Variants in ARHGAP11B observed in about 807,000 individuals in gnomAD.
ARHGAP11B encodes Rho GTPase activating protein 11B.
A neutral mutation model predicts 27.6 loss-of-function variants in ARHGAP11B; 14 were observed. That is an observed-to-expected ratio of 0.51 (90% CI 0.34 to 0.79). The LOEUF is 0.79. Among genes scored for constraint, ARHGAP11B ranks in the 30% least tolerant of loss-of-function variants. The pLI, the probability that ARHGAP11B is intolerant of heterozygous loss-of-function variation, is 0.02. For missense variants in ARHGAP11B, 245 were observed against 320.1 expected (o/e 0.77, Z 1.79); for synonymous variants, 82 against 114.1 (o/e 0.72, Z 1.80).
chr15:30,647,979 T>C (rs1034271293), intron 10 of ARHGAP11B, among the ~76,000 whole-genome samples: 9 of 152,028 alleles, frequency 5.9e-5, no homozygotes, highest in South Asian at 2.1e-4. Flanking sequence ...TTTATTTTCA[T>C]AGAGACAAGG....
chr15:30,647,947 C>T (rs887118809), intron 10 of ARHGAP11B, among the ~76,000 whole-genome samples: 1 of 151,930 alleles, frequency 6.6e-6, no homozygotes, highest in African/African-American at 2.4e-5. Flanking sequence ...CTCCTGGAAA[C>T]TTTATTAACT....
At chr15:30,629,496 T>G (rs1261180683) in intron 1 of ARHGAP11B, among the ~76,000 whole-genome samples, 1 of 151,962 alleles carries the variant, frequency 6.6e-6, no homozygotes, top group African/African-American at 2.4e-5. Context: ...GAGCTTGCAG[T>G]GAGCCGAGAT....
intron 7 of ARHGAP11B, among the ~76,000 whole-genome samples, chr15:30,639,993 T>TGTGC (rs1485391347): frequency 4.1e-3 from 619 of 151,566 alleles, no homozygotes; most frequent in African/African-American, 0.014. Context: ...TGTGTGTGTG[T>TGTGC]GTGTGTGTGT....
intron 7 of ARHGAP11B, among the ~76,000 whole-genome samples, chr15:30,640,876 A>G (rs964793833): frequency 6.6e-6 from 1 of 151,868 alleles, no homozygotes; most frequent in African/African-American, 2.4e-5. Context: ...TTGGAGACTT[A>G]AACTTTTTTA....
chr15:30,632,345 C>G (rs991443451), intron 2 of ARHGAP11B, among the ~76,000 whole-genome samples: 6 of 146,862 alleles, frequency 4.1e-5, no homozygotes, highest in African/African-American at 1.5e-4. Context: ...CACTTGCGCC[C>G]AGGAGGCAAA....
In ARHGAP11B at chr15:30,628,425, G is replaced by A. The variant is rs558668668; in HGVS notation, c.129+1476G>A. ...AAAACTGTTGCCTGTTTTCAGAGTC[G>A]GATAGACCTGAGTTTGAGTGCTGTT... On this transcript the variant is annotated intron_variant, in intron 1 of 10. Transcript: ENST00000428041. Among the ~76,000 whole-genome samples, 505 of 152,066 alleles carry A rather than the reference G, an allele frequency of 3.3e-3. 14 individuals are homozygous for A. The highest frequency in any genetic ancestry group is 0.028 in the Admixed American group (430 of 15,258).
At chr15:30,642,320 T>G (rs965745433) in intron 7 of ARHGAP11B, among the ~76,000 whole-genome samples, 4 of 152,132 alleles carry the variant, frequency 2.6e-5, no homozygotes, top group Admixed American at 6.6e-5. Flanking sequence ...TCTTTTGTAA[T>G]TGTTTACTAT....
intron 7 of ARHGAP11B, among the ~76,000 whole-genome samples, chr15:30,643,301 T>A (rs2060326110): frequency 6.7e-6 from 1 of 149,250 alleles, no homozygotes; most frequent in Non-Finnish European, 1.5e-5. Flanking sequence ...TTTTTTGAGA[T>A]GAAGTCTCAC....
intron 9 of ARHGAP11B, among the ~76,000 whole-genome samples, chr15:30,647,171 G>A (rs1452740498): frequency 6.6e-6 from 1 of 151,780 alleles, no homozygotes; most frequent in Admixed American, 6.6e-5. Context: ...GGAATATTAC[G>A]TTTTGGACAA....
At chr15:30,642,959 A>C (rs1002227367) in intron 7 of ARHGAP11B, among the ~76,000 whole-genome samples, 1 of 151,988 alleles carries the variant, frequency 6.6e-6, no homozygotes, top group African/African-American at 2.4e-5. Context: ...CTGCTATTGG[A>C]GGGCAGTAGA....
chr15:30,636,105 G>A (rs2060278314), intron 6 of ARHGAP11B, among the ~76,000 whole-genome samples: 2 of 151,134 alleles, frequency 1.3e-5, no homozygotes, highest in South Asian at 4.2e-4. Flanking sequence ...TTAATGCCAG[G>A]CTAAAGAATT....
intron 8 of ARHGAP11B, chr15:30,646,049 C>G (rs552550406): frequency 2.8e-6 from 1 of 351,424 alleles, no homozygotes; most frequent in South Asian, 8.3e-5. Flanking sequence ...CTGTGTTTCT[C>G]ATGTAATGTT....
intron 6 of ARHGAP11B, among the ~76,000 whole-genome samples, chr15:30,638,345 A>T (rs2060294348): frequency 6.6e-6 from 1 of 151,782 alleles, no homozygotes; most frequent in Non-Finnish European, 1.5e-5. Flanking sequence ...TACATTATTT[A>T]TTGATATAAT....
At chr15:30,635,309 G>A (rs1024400211) in intron 5 of ARHGAP11B, 121 bp downstream of exon 5, 36 of 1,475,758 alleles carry the variant, frequency 2.4e-5, no homozygotes, top group Admixed American at 1.4e-4. Context: ...TCTTTCAAAG[G>A]AACTATGAAG....
At chr15:30,648,416 G>T (rs938247660) in exon 11 of ARHGAP11B, among the ~76,000 whole-genome samples, 6 of 151,890 alleles carry the variant, frequency 4.0e-5, no homozygotes, top group Non-Finnish European at 8.8e-5. Flanking sequence ...CTGTTTCCTG[G>T]GGAGGGTGAG....
Position 30,644,583 on chromosome 15 carries a change from G to A in ARHGAP11B, c.*79-56G>A. Reference sequence around the variant, plus strand: ...ATTATCTGATATAAGGGACATATAAGGAGACATATCAATCTCAAAAATTGT... The same window carrying A: ...ATTATCTGATATAAGGGACATATAAAGAGACATATCAATCTCAAAAATTGT... On this transcript the variant is annotated intron_variant, in intron 7 of 10. Coordinates refer to ENST00000428041, the Ensembl canonical transcript of ARHGAP11B. 4.7e-6 allele frequency: 5 copies of A among 1,054,436 alleles called. 1 individual carries two copies. The highest frequency in any genetic ancestry group is 2.6e-5 in the South Asian group (2 of 76,334). 65.3% of individuals were successfully genotyped at this position (1,054,436 alleles called of 1,614,324 possible).
intron 6 of ARHGAP11B, among the ~76,000 whole-genome samples, chr15:30,636,813 A>G (rs538991562): frequency 3.9e-5 from 6 of 152,214 alleles, no homozygotes; most frequent in East Asian, 3.9e-4. Flanking sequence ...CGTCACTCCA[A>G]TCCCTGCCTA....
intron 7 of ARHGAP11B, among the ~76,000 whole-genome samples, chr15:30,643,584 G>A (rs1260749895): frequency 6.6e-6 from 1 of 152,114 alleles, no homozygotes; most frequent in East Asian, 1.9e-4. Flanking sequence ...GCCTTTGTAT[G>A]TTTTTGTAAT....
chr15:30,633,868 G>A (rs2060261505), intron 3 of ARHGAP11B, among the ~76,000 whole-genome samples: 1 of 151,876 alleles, frequency 6.6e-6, no homozygotes, highest in Non-Finnish European at 1.5e-5. Flanking sequence ...CCTTCTAGAA[G>A]GAGTGATATA....
Sources: allele counts gnomAD v4.1 joint callset (sites outside exome capture counted in the v4.1 genomes callset), GRCh38; gene constraint gnomAD v4.1.1; transcripts MANE v1.5; gene names NCBI Gene and HGNC (gene_info 2026-07-23, HGNC 2026-07-21).